Variants in SPAG16 observed in about 807,000 individuals in gnomAD.
The protein encoded by SPAG16 is sperm-associated antigen 16 protein.
Under a neutral mutation model 80.4 loss-of-function variants are expected in SPAG16, and 86 were observed. The ratio of observed to expected loss-of-function variants is 1.07; its 90% CI spans 0.90 to 1.28. The LOEUF is 1.28. SPAG16 is among the 50% of genes most tolerant of loss of function. The pLI is 0.00. For synonymous variants in SPAG16, 294 were observed against 265.9 expected, an observed-to-expected ratio of 1.11 and a Z score of -1.03; for missense variants, 870 against 765.3, an observed-to-expected ratio of 1.14 and a Z score of -1.61.
intron 15 of SPAG16, among the ~76,000 whole-genome samples, chr2:214,387,922 G>C (rs1035853053): frequency 6.6e-6 from 1 of 152,198 alleles, no homozygotes; most frequent in African/African-American, 2.4e-5. Flanking sequence ...TGAGATTTGG[G>C]TGGGGACACA....
At chr2:213,461,910 G>GTGTATGTGTATGTGTA (rs2072391249) in intron 9 of SPAG16, among the ~76,000 whole-genome samples, 1 of 152,174 alleles carries the variant, frequency 6.6e-6, no homozygotes. Flanking sequence ...GTATGTGTGT[G>GTGTATGTGTATGTGTA]TGTATGTGTA....
intron 3 of SPAG16, among the ~76,000 whole-genome samples, chr2:213,302,863 T>G (rs1224219418): frequency 6.6e-6 from 1 of 152,092 alleles, no homozygotes; most frequent in African/African-American, 2.4e-5. Context: ...CTGCCAGGTG[T>G]GTTGCAACCG....
chr2:214,018,601 AAT>A lies in SPAG16; in HGVS notation c.1527+4527_1527+4528del, dbSNP rs2047706686. Among the ~76,000 whole-genome samples, 3 of 152,146 alleles carry A rather than the reference AAT, an allele frequency of 2.0e-5. No individual in the cohort carries two copies. In the South Asian group the frequency reaches 6.2e-4, roughly 31 times the overall value. Reference sequence around the variant, plus strand: ...CATGCTTCTTCTTTATAATTTTTAAAATATGTTAATTCCTTGATACATGATAA... The same window carrying A: ...CATGCTTCTTCTTTATAATTTTTAAAATGTTAATTCCTTGATACATGATAA... On this transcript the variant is annotated intron_variant, in intron 13 of 15. Coordinates refer to ENST00000331683, the MANE Select transcript of SPAG16 (RefSeq NM_024532.5).
At chr2:213,622,409 T>A (rs1333341459) in intron 10 of SPAG16, among the ~76,000 whole-genome samples, 1 of 152,200 alleles carries the variant, frequency 6.6e-6, no homozygotes, top group Non-Finnish European at 1.5e-5. Context: ...TTCTTACACA[T>A]TGTTTCATTT....
chr2:213,734,865 G>C (rs568086973), intron 10 of SPAG16, among the ~76,000 whole-genome samples: 1 of 151,968 alleles, frequency 6.6e-6, no homozygotes, highest in African/African-American at 2.4e-5. Flanking sequence ...TAAAATGATG[G>C]CTTTGTACTT....
chr2:214,073,680 A>G (rs1307160850), intron 13 of SPAG16, among the ~76,000 whole-genome samples: 1 of 152,238 alleles, frequency 6.6e-6, no homozygotes, highest in East Asian at 1.9e-4. Flanking sequence ...AGTTTCTTTT[A>G]TAGAAAGACA....
chr2:214,397,974 T>G (rs59544374), intron 15 of SPAG16, among the ~76,000 whole-genome samples: 28,313 of 152,094 alleles, frequency 0.19, 3,276 homozygotes, highest in African/African-American at 0.31. Context: ...CCTGGTGAAT[T>G]AGTAAATCAC....
At chr2:213,929,309 C>G (rs1459325626) in intron 11 of SPAG16, among the ~76,000 whole-genome samples, 4 of 151,862 alleles carry the variant, frequency 2.6e-5, no homozygotes. Context: ...CCACCGTGCC[C>G]GAGCCTGACG....
intron 10 of SPAG16, among the ~76,000 whole-genome samples, chr2:213,533,397 A>G (rs2076138240): frequency 6.6e-6 from 1 of 152,142 alleles, no homozygotes; most frequent in African/African-American, 2.4e-5. Flanking sequence ...TCAGGCTGAA[A>G]GGCAGAAACA....
chr2:214,056,881 T>C (rs902889003), intron 13 of SPAG16, among the ~76,000 whole-genome samples: 8 of 152,202 alleles, frequency 5.3e-5, no homozygotes, highest in African/African-American at 1.9e-4. Context: ...TCACAGCATC[T>C]TCCCCAGGAG....
At chr2:213,439,868 A>C (rs538999334) in intron 9 of SPAG16, among the ~76,000 whole-genome samples, 1 of 152,340 alleles carries the variant, frequency 6.6e-6, no homozygotes, top group African/African-American at 2.4e-5. Flanking sequence ...AGAAATTAGG[A>C]AACTTGAAAA....
chr2:213,806,517 G>T (rs2071779069), intron 10 of SPAG16, among the ~76,000 whole-genome samples: 1 of 152,008 alleles, frequency 6.6e-6, no homozygotes, highest in African/African-American at 2.4e-5. Context: ...TGTATCCCCT[G>T]AGAATAGTAT....
intron 14 of SPAG16, among the ~76,000 whole-genome samples, chr2:214,125,908 G>A (rs369207542): frequency 2.0e-5 from 3 of 151,666 alleles, no homozygotes; most frequent in Non-Finnish European, 2.9e-5. Flanking sequence ...GGACAATCAC[G>A]TAGAAATGTG....
intron 5 of SPAG16, among the ~76,000 whole-genome samples, chr2:213,323,667 T>C (rs867531619): frequency 2.0e-5 from 3 of 152,204 alleles, no homozygotes; most frequent in Non-Finnish European, 2.9e-5. Flanking sequence ...GAGGCAGATA[T>C]TAGCACTCCT....
At chr2:214,075,471 G>A (rs1037175908) in intron 13 of SPAG16, among the ~76,000 whole-genome samples, 6 of 152,022 alleles carry the variant, frequency 3.9e-5, no homozygotes, top group African/African-American at 7.2e-5. Context: ...GCTTCTGGAC[G>A]CCGTAATGAT....
At chr2:213,688,831 C>T (rs1203755521) in intron 10 of SPAG16, among the ~76,000 whole-genome samples, 1 of 152,024 alleles carries the variant, frequency 6.6e-6, no homozygotes, top group Non-Finnish European at 1.5e-5. Flanking sequence ...AGTAAATTAT[C>T]TCAGATATTA....
intron 11 of SPAG16, among the ~76,000 whole-genome samples, chr2:213,929,000 CTTTTTTTTTTTTTTTTTTTTT>C (rs59993057): frequency 9.8e-5 from 4 of 40,834 alleles, no homozygotes; most frequent in Non-Finnish European, 1.2e-4. Context: ...CTTTTCTTTT[CTTTTTTTTTTTTTTTTTTTTT>C]TTTTTTTTTT....
chr2:213,413,093 A>G (rs954958238), intron 9 of SPAG16, among the ~76,000 whole-genome samples: 2 of 152,126 alleles, frequency 1.3e-5, no homozygotes, highest in Admixed American at 1.3e-4. Context: ...TATAGTTGGT[A>G]CTATAAATGA....
chr2:213,630,950 G>A (rs555379420), intron 10 of SPAG16, among the ~76,000 whole-genome samples: 2 of 152,290 alleles, frequency 1.3e-5, no homozygotes, highest in South Asian at 4.1e-4. Context: ...TGGGGTTGTT[G>A]TGGTGGTGGC....
Sources: allele counts gnomAD v4.1 joint callset (sites outside exome capture counted in the v4.1 genomes callset), GRCh38; gene constraint gnomAD v4.1.1; transcripts MANE v1.5; gene names NCBI Gene and HGNC (gene_info 2026-07-23, HGNC 2026-07-21).